The following LOC128092252 variants were observed in gnomAD, a reference collection of about 807,000 sequenced individuals.
At chr15:50,678,755 T>A in the LOC128092252 span, among the ~76,000 whole-genome samples, 1 of 152,030 alleles carries the variant, frequency 6.6e-6, no homozygotes, top group Non-Finnish European at 1.5e-5. Flanking sequence ...TAAGGCCAGG[T>A]GCAGTGGCTT....
the LOC128092252 span, among the ~76,000 whole-genome samples, chr15:50,674,529 GTTT>G: frequency 6.6e-6 from 1 of 152,100 alleles, no homozygotes; most frequent in Non-Finnish European, 1.5e-5. Flanking sequence ...ATTTTTAATG[GTTT>G]TTGTCTTTTA....
At chr15:50,663,605 T>C in the LOC128092252 span, among the ~76,000 whole-genome samples, 1 of 152,122 alleles carries the variant, frequency 6.6e-6, no homozygotes, top group East Asian at 1.9e-4. Context: ...GGAAGCCTAG[T>C]TTGAGATTCC....
chr15:50,682,728 T>C, the LOC128092252 span, among the ~76,000 whole-genome samples: 5 of 152,168 alleles, frequency 3.3e-5, no homozygotes, highest in Admixed American at 2.6e-4. Flanking sequence ...AGTCAAACAC[T>C]GTATTCACAT....
chr15:50,652,524 T>C, the LOC128092252 span, among the ~76,000 whole-genome samples: 51 of 91,400 alleles, frequency 5.6e-4, no homozygotes, highest in African/African-American at 1.8e-3. Flanking sequence ...AGACTCTGTC[T>C]CAAAAAAAAA....
chr15:50,665,536 T>A, the LOC128092252 span, among the ~76,000 whole-genome samples: 1 of 152,060 alleles, frequency 6.6e-6, no homozygotes, highest in Non-Finnish European at 1.5e-5. Flanking sequence ...CCACCAACAT[T>A]CAACACTTTA....
chr15:50,681,880 G>A, the LOC128092252 span, among the ~76,000 whole-genome samples: 1 of 152,164 alleles, frequency 6.6e-6, no homozygotes, highest in Non-Finnish European at 1.5e-5. Context: ...AGATTGAGAA[G>A]ATAACAGTGA....
chr15:50,683,109 T>C, the LOC128092252 span, among the ~76,000 whole-genome samples: 2 of 151,762 alleles, frequency 1.3e-5, no homozygotes, highest in African/African-American at 2.4e-5. Context: ...GCTAGTCTTG[T>C]ACTCCTGGGC....
the LOC128092252 span, among the ~76,000 whole-genome samples, chr15:50,671,955 T>C: frequency 1.3e-5 from 2 of 151,004 alleles, no homozygotes; most frequent in Admixed American, 6.6e-5. Context: ...GTACAGTACA[T>C]AATACTTTGT....
the LOC128092252 span, among the ~76,000 whole-genome samples, chr15:50,666,454 G>A: frequency 6.6e-6 from 1 of 151,834 alleles, no homozygotes; most frequent in Non-Finnish European, 1.5e-5. Context: ...AGGTAGAAGG[G>A]AGAAAGAAGA....
At chr15:50,680,656 T>G in the LOC128092252 span, among the ~76,000 whole-genome samples, 2 of 152,082 alleles carry the variant, frequency 1.3e-5, no homozygotes, top group African/African-American at 4.8e-5. Context: ...TAAAGGAAAT[T>G]CTATTAGGTT....
chr15:50,676,974 C>G, the LOC128092252 span, among the ~76,000 whole-genome samples: 1 of 152,124 alleles, frequency 6.6e-6, no homozygotes, highest in Non-Finnish European at 1.5e-5. Context: ...TTCCTGCTGC[C>G]CATTGTAGGA....
At chr15:50,665,730 CA>C in the LOC128092252 span, among the ~76,000 whole-genome samples, 9 of 152,160 alleles carry the variant, frequency 5.9e-5, no homozygotes, top group Non-Finnish European at 1.0e-4. Flanking sequence ...CACAGTGGAT[CA>C]CGCCTGTAAT....
chr15:50,657,318 C>T, the LOC128092252 span, among the ~76,000 whole-genome samples: 5 of 151,946 alleles, frequency 3.3e-5, no homozygotes, highest in African/African-American at 9.7e-5. Flanking sequence ...AGCAAGACTC[C>T]GTCTCAAAAT....
chr15:50,669,383 C>T, the LOC128092252 span, among the ~76,000 whole-genome samples: 1 of 151,774 alleles, frequency 6.6e-6, no homozygotes, highest in South Asian at 2.1e-4. Context: ...TGCAGTGAGC[C>T]GAGGTCATGC....
chr15:50,655,453 A>AC, the LOC128092252 span, among the ~76,000 whole-genome samples: 1 of 144,304 alleles, frequency 6.9e-6, no homozygotes, highest in African/African-American at 2.5e-5. Context: ...AAAAACAAAA[A>AC]AACAAAAAAC....
At chr15:50,675,188 T>C in the LOC128092252 span, among the ~76,000 whole-genome samples, 2 of 152,006 alleles carry the variant, frequency 1.3e-5, no homozygotes, top group East Asian at 1.9e-4. Context: ...ACTAAAAATA[T>C]AAAAATTAGC....
At chr15:50,676,838 A>G in the LOC128092252 span, among the ~76,000 whole-genome samples, 1 of 152,158 alleles carries the variant, frequency 6.6e-6, no homozygotes. Flanking sequence ...AGTTTCCGCA[A>G]GAGTTGAGAA....
the LOC128092252 span, among the ~76,000 whole-genome samples, chr15:50,684,093 C>G: frequency 6.6e-6 from 1 of 151,772 alleles, no homozygotes; most frequent in Non-Finnish European, 1.5e-5. Flanking sequence ...CTCAAGTGAT[C>G]CGGGATCAGC....
the LOC128092252 span, among the ~76,000 whole-genome samples, chr15:50,671,254 T>G: frequency 6.6e-6 from 1 of 152,138 alleles, no homozygotes; most frequent in Non-Finnish European, 1.5e-5. Context: ...ATCCAGAAAT[T>G]GAACTTTTAT....
Sources: gnomAD v4.1 joint callset for allele counts (sites outside exome capture counted in the v4.1 genomes callset) on GRCh38, gnomAD v4.1.1 for gene constraint, MANE v1.5 for transcripts.